Variants in PARVB observed in about 807,000 individuals in gnomAD.
PARVB encodes the protein beta-parvin.
A neutral mutation model predicts 47.0 loss-of-function variants in PARVB; 46 were observed. That is an observed-to-expected ratio of 0.98 (90% CI 0.77 to 1.25). The LOEUF is 1.25. Among genes scored for constraint, PARVB ranks in the 50% most tolerant of loss-of-function variants. The pLI, the probability that PARVB is intolerant of heterozygous loss-of-function variation, is 0.00. For missense variants in PARVB, 473 were observed against 471.6 expected (o/e 1.00, Z -0.03); for synonymous variants, 196 against 196.3 (o/e 1.00, Z 0.01).
chr22:44,051,958 C>T (rs1021022323), intron 1 of PARVB, among the ~76,000 whole-genome samples: 1 of 152,136 alleles, frequency 6.6e-6, no homozygotes, highest in Non-Finnish European at 1.5e-5. Context: ...GGACTGATGG[C>T]CACCACCAGA....
intron 3 of PARVB, chr22:44,111,498 G>A (rs1164461427): frequency 8.2e-6 from 1 of 121,888 alleles, no homozygotes; most frequent in East Asian, 2.5e-4. Flanking sequence ...TGCCCAGGCT[G>A]GAGTGCAGTG....
chr22:44,110,050 T>C lies in PARVB; in HGVS notation c.274-8988T>C, dbSNP rs2052657270. 2.3e-5 allele frequency: 3 copies of C among 132,320 alleles called. No homozygotes were observed. In the Admixed American group the frequency reaches 2.6e-4, roughly 12 times the overall value. 8.2% of individuals were successfully genotyped at this position (132,320 alleles called of 1,614,324 possible). On this transcript the variant is annotated intron_variant, in intron 3 of 12. Transcript: ENST00000338758. ...ATGGCGTGAACCCGGGAGGCGGAGC[T>C]TGCAGTGAGCCGAGATCCCGCCACT...
intron 4 of PARVB, among the ~76,000 whole-genome samples, chr22:44,122,320 G>C (rs909330455): frequency 1.3e-5 from 2 of 151,946 alleles, no homozygotes; most frequent in African/African-American, 4.8e-5. Context: ...GTGGGACCTC[G>C]TCTCTACAAA....
Position 44,068,500 on chromosome 22 carries a change from A to G in PARVB, c.113-25428A>G, listed in dbSNP as rs1407251045. ...TGGGGAAGTGAGTGCTCCCGAGAGC[A>G]GCCTGCCGCCTCCGTGTCGGGGCAG... On this transcript the variant is annotated intron_variant, in intron 1 of 12. Transcript: ENST00000338758. This position sits in a 1 kb window ranked among gnomAD's most constrained non-coding sequence, Gnocchi z 4.1. Among the ~76,000 whole-genome samples the G allele has an allele frequency of 6.6e-6, 1 of 152,216 alleles. No homozygotes were observed. The highest frequency in any genetic ancestry group is 6.5e-5 in the Admixed American group (1 of 15,288).
chr22:44,157,217 C>G (rs545507880), intron 10 of PARVB, among the ~76,000 whole-genome samples: 1 of 152,326 alleles, frequency 6.6e-6, no homozygotes, highest in African/African-American at 2.4e-5. Flanking sequence ...CAGGTCCCAG[C>G]TCTGCACCCT....
intron 1 of PARVB, among the ~76,000 whole-genome samples, chr22:44,077,043 G>A (rs1033313316): frequency 6.6e-6 from 1 of 152,210 alleles, no homozygotes; most frequent in Non-Finnish European, 1.5e-5. Context: ...GGGCCAAGCA[G>A]CAGGTGCAAC....
At chr22:44,045,552 G>A (rs1451720221) in intron 1 of PARVB, among the ~76,000 whole-genome samples, 1 of 152,192 alleles carries the variant, frequency 6.6e-6, no homozygotes, top group Non-Finnish European at 1.5e-5. Flanking sequence ...AGCTCCCCTT[G>A]AGAGCAGGTA....
At chr22:44,022,731 T>C (rs1000507092), upstream of PARVB, among the ~76,000 whole-genome samples, 4 of 138,356 alleles carry the variant, frequency 2.9e-5, no homozygotes, top group Non-Finnish European at 6.1e-5. Flanking sequence ...CTCCTACTTC[T>C]TTTTTTTTAT....
intron 1 of PARVB, among the ~76,000 whole-genome samples, chr22:44,058,292 C>T (rs1026388779): frequency 1.3e-5 from 2 of 152,074 alleles, no homozygotes; most frequent in Non-Finnish European, 2.9e-5. Context: ...GGACGGTGGG[C>T]AGTCCTGGCA....
upstream of PARVB, among the ~76,000 whole-genome samples, chr22:44,024,100 G>GCCGCTCCCGGGGTGGCC (rs1029234008): frequency 1.3e-5 from 2 of 152,104 alleles, no homozygotes; most frequent in Non-Finnish European, 2.9e-5. Context: ...AAAAGGCTGC[G>GCCGCTCCCGGGGTGGCC]CCGCTCCCGG....
chr22:44,099,690 A>G (rs2052395851), intron 2 of PARVB, among the ~76,000 whole-genome samples: 1 of 152,188 alleles, frequency 6.6e-6, no homozygotes, highest in Non-Finnish European at 1.5e-5. Context: ...ACAGGGAACT[A>G]CCTGGTGCCT....
chr22:44,132,300 GGTGGCTGGGTCC>G (rs2053345633), intron 5 of PARVB, among the ~76,000 whole-genome samples: 1 of 152,208 alleles, frequency 6.6e-6, no homozygotes, highest in Non-Finnish European at 1.5e-5. Flanking sequence ...CTGTCTCGTG[GGTGGCTGGGTCC>G]GTGGGTGGGG....
intron 3 of PARVB, chr22:44,114,038 T>TACTA (rs2052787603): frequency 1.2e-5 from 1 of 81,596 alleles, no homozygotes. Flanking sequence ...GATATGTTGT[T>TACTA]ACTAAGGCCC....
intron 1 of PARVB, among the ~76,000 whole-genome samples, chr22:44,051,831 C>T (rs976883697): frequency 2.0e-5 from 3 of 152,042 alleles, no homozygotes; most frequent in African/African-American, 4.8e-5. Context: ...TAGGGTGGGC[C>T]CCTAATTCAA....
chr22:44,151,692 C>T, intron 10 of PARVB, 141 bp downstream of exon 10: 2 of 659,160 alleles, frequency 3.0e-6, no homozygotes, highest in Non-Finnish European at 5.5e-6. Context: ...GCAGAAATAA[C>T]CACCGTGGCC....
chr22:44,041,850 A>C (rs2051024826), intron 1 of PARVB, among the ~76,000 whole-genome samples: 1 of 152,156 alleles, frequency 6.6e-6, no homozygotes, highest in African/African-American at 2.4e-5. Flanking sequence ...GCACCACTAC[A>C]TTCCAGCCTG....
exon 1 of PARVB, chr22:43,999,284 A>T: frequency 7.4e-7 from 1 of 1,348,300 alleles, no homozygotes; most frequent in Non-Finnish European, 1.0e-6. Flanking sequence ...TAATTTCTGA[A>T]TTCTCCCTTT....
At position 44,058,123 on chromosome 22, in the gene PARVB, C is replaced by T. The variant is rs1489070178; in HGVS notation, c.112+33672C>T. ...ACAAAATCTGCATTAATTTCCTAGG[C>T]CTGACATAAAAGAGTACCCCACACT... On this transcript the variant is annotated intron_variant, in intron 1 of 12. Coordinates refer to ENST00000338758, the MANE Select transcript of PARVB (RefSeq NM_013327.5). 2.6e-5 allele frequency among the ~76,000 whole-genome samples: 4 copies of T among 152,262 alleles called. No homozygotes were observed. In the East Asian group the frequency reaches 7.7e-4, roughly 29 times the overall value.
intron 1 of PARVB, among the ~76,000 whole-genome samples, chr22:44,058,991 A>T (rs1601540516): frequency 6.7e-6 from 1 of 149,726 alleles, no homozygotes; most frequent in Non-Finnish European, 1.5e-5. Context: ...GGGGGGGGGA[A>T]ACAGAAGCAG....
Sources: gnomAD v4.1 joint callset for allele counts (sites outside exome capture counted in the v4.1 genomes callset) on GRCh38, gnomAD v4.1.1 for gene constraint, Gnocchi (gnomAD v3.1) non-coding constraint, MANE v1.5 for transcripts, NCBI Gene and HGNC (gene_info 2026-07-23, HGNC 2026-07-21) for gene names.